MITD1: variants seen among roughly 807,000 people sequenced by gnomAD.
The protein encoded by MITD1 is MIT domain-containing protein 1.
In MITD1, 24 loss-of-function variants were observed where a neutral mutation model predicts 34.9. The ratio of observed to expected loss-of-function variants is 0.69; its 90% confidence interval spans 0.50 to 0.97. MITD1 has a LOEUF of 0.97. MITD1 is among the 50% of genes least tolerant of loss of function. The probability of loss-of-function intolerance (pLI) is 0.00; values close to 1 mark genes in which losing one functional copy is unlikely to be tolerated. For synonymous variants in MITD1, 102 were observed against 101.4 expected (o/e 1.01, Z -0.04); for missense variants, 266 against 294.6 (o/e 0.90, Z 0.71).
At chr2:99,168,902 C>G (rs1347727334), downstream of MITD1, among the ~76,000 whole-genome samples, 5 of 151,306 alleles carry the variant, frequency 3.3e-5, no homozygotes, top group African/African-American at 1.2e-4. Flanking sequence ...ACCTCAGCCT[C>G]CCAAGTAGCT....
Position 99,181,031 on chromosome 2 carries a change from C to G in MITD1, c.-50G>C. ...CAACCCAGGATGAAGTTGAGCGGGT[C>G]TGCTGCGCTTCCGGGAAGTGGTCAT... is the stretch of plus-strand genomic sequence containing the variant. On this transcript the variant is annotated 5_prime_UTR_variant, in exon 1 of 7. Transcript: ENST00000289359. The G allele has an allele frequency of 6.3e-7, 1 of 1,577,654 alleles. No individual in the cohort carries two copies.
At chr2:99,177,693 G>C (rs2093895865) in intron 1 of MITD1, among the ~76,000 whole-genome samples, 1 of 151,302 alleles carries the variant, frequency 6.6e-6, no homozygotes, top group Admixed American at 6.6e-5. Context: ...TTTTAAGAGA[G>C]GGTTTCACCA....
At chr2:99,175,716 T>C (rs1345035187) in intron 1 of MITD1, among the ~76,000 whole-genome samples, 5 of 152,206 alleles carry the variant, frequency 3.3e-5, no homozygotes, top group Non-Finnish European at 5.9e-5. Context: ...GTTTGCAAAA[T>C]GGTGGTTTTC....
chr2:99,173,559 A>G (rs1018822555), intron 2 of MITD1: 5 of 466,256 alleles, frequency 1.1e-5, no homozygotes, highest in Admixed American at 7.1e-5. Flanking sequence ...CACAATTTAC[A>G]TTCAGTATTC....
At chr2:99,163,146 G>T (rs1574815042) in intron 7 of MITD1, 73 of 818,650 alleles carry the variant, frequency 8.9e-5, no homozygotes, top group East Asian at 1.1e-4. Flanking sequence ...CACATTGTAT[G>T]TCAAAAAAAA....
chr2:99,162,955 G>A (rs767018679), intron 7 of MITD1: 1 of 1,613,864 alleles, frequency 6.2e-7, no homozygotes, highest in Non-Finnish European at 8.5e-7. Flanking sequence ...AGTCTTATTG[G>A]CAGTAAGTTT....
In MITD1 at chr2:99,180,993, T is replaced by C. The variant is rs2093917257; in HGVS notation, c.-12A>G. The C allele has an allele frequency of 6.2e-7, 1 of 1,611,588 alleles. No homozygotes were observed. The highest frequency in any genetic ancestry group is 1.1e-5 in the South Asian group (1 of 90,694). ...CCGGACTTCGCCATAATTCTGGAAG[T>C]TCTCCTCCGCCTCAACCCAGGATGA... On this transcript the variant is annotated 5_prime_UTR_variant, in exon 1 of 7. Transcript: ENST00000289359.
chr2:99,172,193 G>C (rs2093862232), intron 2 of MITD1: 2 of 152,438 alleles, frequency 1.3e-5, no homozygotes, highest in African/African-American at 4.8e-5. Context: ...TTCGAGACCA[G>C]CCTGGCCAAC....
intron 1 of MITD1, among the ~76,000 whole-genome samples, chr2:99,178,870 CT>C (rs1233216658): frequency 2.6e-5 from 4 of 152,196 alleles, no homozygotes; most frequent in Non-Finnish European, 5.9e-5. Context: ...TACCTTTAAA[CT>C]TTACTTCTCA....
downstream of MITD1, among the ~76,000 whole-genome samples, chr2:99,168,974 T>G (rs2093840177): frequency 8.0e-6 from 1 of 125,234 alleles, no homozygotes; most frequent in Non-Finnish European, 1.7e-5. Context: ...TTTTTTTTTT[T>G]TTTTCTGATA....
rs2093841593 is a variant in MITD1, at chr2:99,169,280, G to A, written c.*95C>T. On this transcript the variant is annotated 3_prime_UTR_variant, in exon 7 of 7. Transcript: ENST00000289359. ...TCCATAAATTAGTAGAAATATAAAA[G>A]TTTATTGTTAAATTCATACATTATA... is the stretch of plus-strand genomic sequence containing the variant. 2 of 619,316 alleles carry A rather than the reference G, an allele frequency of 3.2e-6. No individual in the cohort carries two copies. Among genetic ancestry groups the A allele is most frequent in the Admixed American group, 6.7e-5 (2 of 30,024 alleles). 38.4% of individuals were successfully genotyped at this position (619,316 alleles called of 1,614,324 possible).
downstream of MITD1, among the ~76,000 whole-genome samples, chr2:99,166,486 G>A (rs75826937): frequency 4.0e-3 from 466 of 116,666 alleles, no homozygotes; most frequent in South Asian, 0.017. Flanking sequence ...GAGGAAATAA[G>A]AAAAAAAAAA....
chr2:99,169,726 C>T, intron 5 of MITD1, 116 bp from the exon 6 acceptor site: 1 of 716,032 alleles, frequency 1.4e-6, no homozygotes, highest in Non-Finnish European at 2.4e-6. Flanking sequence ...CCACTTCCTC[C>T]AGTGGCATGA....
In MITD1 at chr2:99,162,258, A is replaced by G. The variant is rs769008745; in HGVS notation, c.*4-40T>C. On this transcript the variant is annotated intron_variant, in intron 7 of 7. Transcript: ENST00000422537. ...AGGTATAAAACTGGCTCGGAGAAGA[A>G]GTGGAGGAGGAACAGTCTACCATGA... 1.9e-6 allele frequency: 3 copies of G among 1,613,424 alleles called. No individual in the cohort carries two copies. In the South Asian group the frequency reaches 3.3e-5, roughly 18 times the overall value.
chr2:99,177,847 T>C (rs2093896456), intron 1 of MITD1, among the ~76,000 whole-genome samples: 1 of 152,124 alleles, frequency 6.6e-6, no homozygotes, highest in South Asian at 2.1e-4. Context: ...TCCCCATTCC[T>C]CCTACCCACT....
intron 1 of MITD1, among the ~76,000 whole-genome samples, chr2:99,177,900 C>T (rs2093896732): frequency 6.6e-6 from 1 of 152,188 alleles, no homozygotes; most frequent in South Asian, 2.1e-4. Context: ...CTCTCTACTT[C>T]TATGATATTA....
chr2:99,165,394 GA>G (rs890294585), downstream of MITD1, among the ~76,000 whole-genome samples: 22 of 152,204 alleles, frequency 1.4e-4, no homozygotes, highest in African/African-American at 4.8e-4. Flanking sequence ...TATGAGATTG[GA>G]TGGATGGGAG....
intron 4 of MITD1, 121 bp from the exon 5 acceptor site, chr2:99,170,773 T>C: frequency 2.0e-6 from 1 of 502,034 alleles, no homozygotes; most frequent in Non-Finnish European, 3.6e-6. Flanking sequence ...CTAGTTTCAA[T>C]GTCTATTATC....
At chr2:99,173,100 T>G in intron 2 of MITD1, 1 of 159,552 alleles carries the variant, frequency 6.3e-6, no homozygotes, top group South Asian at 1.8e-4. Context: ...TGTTTTGGAG[T>G]AAAATTTCAT....
Sources: gnomAD v4.1 joint callset for allele counts (sites outside exome capture counted in the v4.1 genomes callset) on GRCh38, gnomAD v4.1.1 for gene constraint, MANE v1.5 for transcripts, NCBI Gene and HGNC (gene_info 2026-07-23, HGNC 2026-07-21) for gene names.